The following RNF150 variants were observed in gnomAD, a reference collection of about 807,000 sequenced individuals.
The protein encoded by RNF150 is ring finger protein 150.
RNF150 carries 24 observed loss-of-function variants against 39.3 expected under a neutral mutation model. That is an observed-to-expected ratio of 0.61 (90% CI 0.44 to 0.86). The LOEUF (loss-of-function observed/expected upper bound fraction) is 0.86, where lower values mean the gene tolerates loss of function less well. Ranked by LOEUF, RNF150 falls within the 40% of genes least tolerant of loss-of-function variation. RNF150 has a pLI of 0.00. For missense variants in RNF150, 502 were observed against 587.8 expected, an observed-to-expected ratio of 0.85 and a Z score of 1.51; for synonymous variants, 255 against 227.3, an observed-to-expected ratio of 1.12 and a Z score of -1.10.
At chr4:141,180,875 T>C (rs1463966459) in intron 1 of RNF150, among the ~76,000 whole-genome samples, 1 of 152,208 alleles carries the variant, frequency 6.6e-6, no homozygotes, top group Non-Finnish European at 1.5e-5. Context: ...TAAATGTAGA[T>C]GTTTACACCA....
At chr4:140,886,629 AT>A (rs2111217813) in intron 6 of RNF150, among the ~76,000 whole-genome samples, 1 of 152,158 alleles carries the variant, frequency 6.6e-6, no homozygotes, top group East Asian at 1.9e-4. Context: ...AGTTTTATTT[AT>A]TTATTTTTAG....
chr4:141,068,715 T>C (rs1737561666), intron 1 of RNF150, among the ~76,000 whole-genome samples: 2 of 145,296 alleles, frequency 1.4e-5, no homozygotes, highest in South Asian at 4.5e-4. Flanking sequence ...TCCATTTGTT[T>C]TTATCCTCTT....
chr4:141,012,246 T>C (rs1006461070), intron 1 of RNF150, among the ~76,000 whole-genome samples: 4 of 152,210 alleles, frequency 2.6e-5, no homozygotes, highest in African/African-American at 9.6e-5. Context: ...GACAGATTCC[T>C]GCCCATCCTG....
At chr4:140,950,685 A>C (rs1295101055) in intron 2 of RNF150, among the ~76,000 whole-genome samples, 1 of 152,206 alleles carries the variant, frequency 6.6e-6, no homozygotes, top group Non-Finnish European at 1.5e-5. Flanking sequence ...CCAGCTAACC[A>C]GTCAACCAAC....
chr4:140,984,662 C>T (rs1733965976), intron 1 of RNF150, among the ~76,000 whole-genome samples: 1 of 152,112 alleles, frequency 6.6e-6, no homozygotes, highest in Non-Finnish European at 1.5e-5. Flanking sequence ...TTTCAATTGC[C>T]AGCACCTGTA....
chr4:141,061,339 T>C (rs1737218521), intron 1 of RNF150, among the ~76,000 whole-genome samples: 1 of 152,176 alleles, frequency 6.6e-6, no homozygotes, highest in Admixed American at 6.5e-5. Flanking sequence ...TCTGAGCTAT[T>C]TGTTCACACA....
At chr4:141,168,184 A>G (rs1727634858) in intron 1 of RNF150, among the ~76,000 whole-genome samples, 2 of 152,368 alleles carry the variant, frequency 1.3e-5, no homozygotes, top group South Asian at 4.1e-4. Flanking sequence ...GCCAGCAAGC[A>G]TATGAAAAAA....
chr4:141,096,717 T>G (rs1461127709), intron 1 of RNF150, among the ~76,000 whole-genome samples: 6 of 152,166 alleles, frequency 3.9e-5, no homozygotes, highest in South Asian at 4.1e-4. Context: ...GATCAAACAA[T>G]CCCTCTTTTA....
intron 1 of RNF150, among the ~76,000 whole-genome samples, chr4:141,110,575 A>G (rs1390381485): frequency 1.5e-5 from 2 of 137,160 alleles, no homozygotes; most frequent in African/African-American, 6.9e-5. Flanking sequence ...CACCACACCT[A>G]ATTTTTAATT....
chr4:140,962,457 GAT>G (rs1161793649), intron 2 of RNF150, among the ~76,000 whole-genome samples: 2 of 150,068 alleles, frequency 1.3e-5, no homozygotes, highest in African/African-American at 2.5e-5. Flanking sequence ...ATACGTATAT[GAT>G]ATATATGTTA....
intron 6 of RNF150, among the ~76,000 whole-genome samples, chr4:140,874,861 C>A (rs1182809687): frequency 6.6e-6 from 1 of 152,156 alleles, no homozygotes; most frequent in Non-Finnish European, 1.5e-5. Context: ...AACAAGATCT[C>A]ACTATGTTGA....
rs911426133 is a variant in RNF150 at position 141,140,382 on chromosome 4, C to T, written c.-6+72412G>A. Among the ~76,000 whole-genome samples the T allele has an allele frequency of 3.3e-5, 5 of 152,234 alleles. No individual in the cohort carries two copies. The East Asian group carries it at 9.6e-4, about 29-fold the overall frequency. On this transcript the variant is annotated intron_variant, in intron 1 of 7. Coordinates refer to the RNF150 transcript ENST00000420921. ...TCCTTTTATCATAAACTCTTCCAAA[C>T]AACTTTATGTCATAAAATGTTTTGG...
At chr4:141,150,269 C>A (rs1191202916) in intron 1 of RNF150, among the ~76,000 whole-genome samples, 1 of 152,186 alleles carries the variant, frequency 6.6e-6, no homozygotes, top group Admixed American at 6.5e-5. Flanking sequence ...CAGATAATAG[C>A]CACTTCTTCC....
intron 4 of RNF150, among the ~76,000 whole-genome samples, chr4:140,941,528 A>G (rs905979250): frequency 6.6e-6 from 1 of 152,184 alleles, no homozygotes; most frequent in Non-Finnish European, 1.5e-5. Flanking sequence ...TTGAAGAATA[A>G]CTTTTTAGTC....
At chr4:141,017,398 C>T (rs565026286) in intron 1 of RNF150, among the ~76,000 whole-genome samples, 1 of 152,164 alleles carries the variant, frequency 6.6e-6, no homozygotes, top group African/African-American at 2.4e-5. Flanking sequence ...CCCACATAGT[C>T]CCCCTTACAC....
At chr4:140,963,815 A>G (rs1245021796) in intron 2 of RNF150, among the ~76,000 whole-genome samples, 3 of 152,198 alleles carry the variant, frequency 2.0e-5, no homozygotes, top group African/African-American at 4.8e-5. Context: ...TTGGAAAGAC[A>G]TTGGTTAAAA....
chr4:141,135,425 A>C (rs1578760960), upstream of RNF150, among the ~76,000 whole-genome samples: 1 of 152,222 alleles, frequency 6.6e-6, no homozygotes, highest in African/African-American at 2.4e-5. Flanking sequence ...AAATGCTCCA[A>C]GCATGATGGG....
chr4:141,062,984 T>C (rs1737298693), intron 1 of RNF150, among the ~76,000 whole-genome samples: 1 of 152,214 alleles, frequency 6.6e-6, no homozygotes, highest in African/African-American at 2.4e-5. Context: ...TCCATGTTGA[T>C]GCAAAGGACA....
At position 140,868,009 on chromosome 4, in the gene RNF150, T is replaced by C; in HGVS notation, c.*252A>G. 2.4e-6 allele frequency: 1 copy of C among 417,002 alleles called. No homozygotes were observed. The highest frequency in any genetic ancestry group is 3.9e-5 in the East Asian group (1 of 25,522). The allele number at this position is 417,002 out of a possible 1,614,324, so 25.8% of individuals were successfully genotyped here. On this transcript the variant is annotated 3_prime_UTR_variant, in exon 7 of 7. Coordinates refer to ENST00000515673, the MANE Select transcript of RNF150 (RefSeq NM_020724.2). ...TTTAGGAGCTTCTGAAGTGTATGTC[T>C]ACATGGACATAGGAGTGGAAATCAG...
Sources: gnomAD v4.1 joint callset for allele counts (sites outside exome capture counted in the v4.1 genomes callset) on GRCh38, gnomAD v4.1.1 for gene constraint, MANE v1.5 for transcripts, NCBI Gene and HGNC (gene_info 2026-07-23, HGNC 2026-07-21) for gene names.